Variants in CDC42SE2 observed in about 807,000 individuals in gnomAD.
The protein encoded by CDC42SE2 is CDC42 small effector 2.
In CDC42SE2, 3 loss-of-function variants were observed where a neutral mutation model predicts 11.5. That is an observed-to-expected ratio of 0.26 (90% CI 0.12 to 0.67). The LOEUF (loss-of-function observed/expected upper bound fraction) is 0.67, where lower values mean the gene tolerates loss of function less well. Ranked by LOEUF, CDC42SE2 falls within the 30% of genes least tolerant of loss-of-function variation. CDC42SE2 has a pLI of 0.80. For synonymous variants in CDC42SE2, 33 were observed against 34.8 expected, an observed-to-expected ratio of 0.95 and a Z score of 0.18; for missense variants, 82 against 106.8, an observed-to-expected ratio of 0.77 and a Z score of 1.02.
At chr5:131,321,660 G>C (rs138420037) in intron 2 of CDC42SE2, among the ~76,000 whole-genome samples, 3 of 152,250 alleles carry the variant, frequency 2.0e-5, no homozygotes, top group Non-Finnish European at 4.4e-5. Flanking sequence ...ATTAGGGGCT[G>C]TATTGAGGGA....
intron 1 of CDC42SE2, among the ~76,000 whole-genome samples, chr5:131,304,234 C>G (rs928532740): frequency 6.6e-6 from 1 of 152,116 alleles, no homozygotes; most frequent in African/African-American, 2.4e-5. Flanking sequence ...TCCTCCCGCC[C>G]TGGCCTCCCA....
chr5:131,282,392 G>A (rs1757254221), intron 1 of CDC42SE2, among the ~76,000 whole-genome samples: 1 of 152,170 alleles, frequency 6.6e-6, no homozygotes, highest in African/African-American at 2.4e-5. Context: ...TAAGGTTTAA[G>A]GAATGGTGCT....
At chr5:131,320,046 G>A (rs1016505607) in intron 2 of CDC42SE2, among the ~76,000 whole-genome samples, 2 of 100,372 alleles carry the variant, frequency 2.0e-5, no homozygotes, top group South Asian at 3.6e-4. Context: ...GCAAGACTCC[G>A]TCTTAAAGAA....
intron 2 of CDC42SE2, among the ~76,000 whole-genome samples, chr5:131,337,419 G>A (rs2149748664): frequency 6.6e-6 from 1 of 152,338 alleles, no homozygotes; most frequent in South Asian, 2.1e-4. Context: ...GTGGGTCAGG[G>A]ACCTACTTGA....
At chr5:131,374,699 T>G (rs1340329009) in intron 3 of CDC42SE2, among the ~76,000 whole-genome samples, 1 of 152,042 alleles carries the variant, frequency 6.6e-6, no homozygotes, top group Non-Finnish European at 1.5e-5. Flanking sequence ...TCACATAGAG[T>G]TAATATAAAC....
intron 1 of CDC42SE2, among the ~76,000 whole-genome samples, chr5:131,311,553 C>T (rs1757914330): frequency 6.6e-6 from 1 of 152,014 alleles, no homozygotes; most frequent in Non-Finnish European, 1.5e-5. Context: ...AACTTGGTTC[C>T]ATTCTCCCCA....
chr5:131,331,675 A>G (rs1758421881), intron 2 of CDC42SE2, among the ~76,000 whole-genome samples: 1 of 152,230 alleles, frequency 6.6e-6, no homozygotes, highest in Admixed American at 6.5e-5. Context: ...ACATACAAAA[A>G]GAACAGAGAA....
At chr5:131,288,954 A>G (rs1757396256) in intron 1 of CDC42SE2, among the ~76,000 whole-genome samples, 1 of 152,132 alleles carries the variant, frequency 6.6e-6, no homozygotes, top group African/African-American at 2.4e-5. Context: ...GATCAGTATT[A>G]TTTATTAATA....
At chr5:131,225,902 A>C in the CDC42SE2 span, among the ~76,000 whole-genome samples, 2 of 152,236 alleles carry the variant, frequency 1.3e-5, no homozygotes, top group African/African-American at 4.8e-5. Context: ...TTGGCATCCC[A>C]AGAGTGTTGG....
intron 1 of CDC42SE2, among the ~76,000 whole-genome samples, chr5:131,295,843 C>T (rs901145577): frequency 1.2e-4 from 19 of 152,014 alleles, no homozygotes; most frequent in East Asian, 3.9e-4. Flanking sequence ...CCACCGTGCC[C>T]GGCTAAGTTT....
intron 1 of CDC42SE2, among the ~76,000 whole-genome samples, chr5:131,246,426 C>G (rs1456269035): frequency 3.3e-5 from 5 of 152,010 alleles, no homozygotes; most frequent in Admixed American, 1.3e-4. Flanking sequence ...TGCACTCCAG[C>G]CTGGGTGACA....
At chr5:131,320,369 G>A (rs1037215228) in intron 2 of CDC42SE2, among the ~76,000 whole-genome samples, 2 of 151,626 alleles carry the variant, frequency 1.3e-5, no homozygotes, top group Non-Finnish European at 2.9e-5. Context: ...TCCAGCCTGC[G>A]TGACAGAGCG....
intron 1 of CDC42SE2, among the ~76,000 whole-genome samples, chr5:131,282,872 G>A (rs551612479): frequency 5.7e-4 from 86 of 149,862 alleles, no homozygotes; most frequent in African/African-American, 9.1e-4. Flanking sequence ...CTCGTGATGC[G>A]CCTGCCTTGG....
At chr5:131,376,432 T>G (rs1034081145) in intron 3 of CDC42SE2, among the ~76,000 whole-genome samples, 1 of 152,200 alleles carries the variant, frequency 6.6e-6, no homozygotes, top group Non-Finnish European at 1.5e-5. Flanking sequence ...GAACTGTGCC[T>G]GGTATCTTAT....
chr5:131,385,387 C>T (rs1258182428), intron 3 of CDC42SE2, among the ~76,000 whole-genome samples, 156 bp from the exon 4 acceptor site: 1 of 152,128 alleles, frequency 6.6e-6, no homozygotes, highest in African/African-American at 2.4e-5. Flanking sequence ...ATATATTTGT[C>T]TTGGGGATTT....
chr5:131,342,538 G>A (rs1352538837), intron 2 of CDC42SE2, among the ~76,000 whole-genome samples: 6 of 149,638 alleles, frequency 4.0e-5, no homozygotes, highest in African/African-American at 1.2e-4. Context: ...ACAGGCGCCC[G>A]CCACTATGCC....
chr5:131,285,072 G>A (rs1757313345), intron 1 of CDC42SE2, among the ~76,000 whole-genome samples: 1 of 151,574 alleles, frequency 6.6e-6, no homozygotes. Context: ...AGGATTGCTT[G>A]AGCCCTGGAG....
At chr5:131,356,324 A>G (rs1022850547) in intron 2 of CDC42SE2, among the ~76,000 whole-genome samples, 4 of 152,222 alleles carry the variant, frequency 2.6e-5, no homozygotes, top group African/African-American at 7.2e-5. Context: ...AACTATTAGT[A>G]TAGTTATTAG....
intron 1 of CDC42SE2, among the ~76,000 whole-genome samples, chr5:131,273,175 A>G (rs955206269): frequency 5.9e-5 from 8 of 135,294 alleles, no homozygotes; most frequent in African/African-American, 2.4e-4. Flanking sequence ...TTTTTTTTTG[A>G]GATAGAGTCT....
Sources: allele counts gnomAD v4.1 joint callset (sites outside exome capture counted in the v4.1 genomes callset), GRCh38; gene constraint gnomAD v4.1.1; transcripts MANE v1.5; gene names NCBI Gene and HGNC (gene_info 2026-07-23, HGNC 2026-07-21).